Variants in MAGI1 observed in about 807,000 individuals in gnomAD.
The protein encoded by MAGI1 is membrane-associated guanylate kinase, WW and PDZ domain-containing protein 1.
MAGI1 carries 58 observed loss-of-function variants against 139.9 expected under a neutral mutation model. That is an observed-to-expected ratio of 0.41 (90% CI 0.34 to 0.52). The LOEUF (loss-of-function observed/expected upper bound fraction) is 0.52, where lower values mean the gene tolerates loss of function less well. Among genes scored for constraint, MAGI1 ranks in the 20% least tolerant of loss-of-function variants. MAGI1 has a pLI of 0.12. For missense variants in MAGI1, 1,874 were observed against 1,901.6 expected, an observed-to-expected ratio of 0.99 and a Z score of 0.27; for synonymous variants, 812 against 737.9, an observed-to-expected ratio of 1.10 and a Z score of -1.63.
rs567207450 is a variant in MAGI1, at chr3:65,678,598, C to T, written c.314-56510G>A. On this transcript the variant is annotated intron_variant, in intron 1 of 22. Transcript: ENST00000402939. ...TAGGTAACTGGCACTTCCTCAAGTC[C>T]ATGCCACACTCCTGGAAGCATACTC... 5.9e-5 allele frequency among the ~76,000 whole-genome samples: 9 copies of T among 152,214 alleles called. No individual in the cohort carries two copies. The East Asian group carries it at 1.7e-3, about 29-fold the overall frequency.
chr3:65,619,371 C>A (rs1174392266), intron 2 of MAGI1, among the ~76,000 whole-genome samples: 1 of 152,102 alleles, frequency 6.6e-6, no homozygotes. Context: ...TATGGCAATG[C>A]TAAAAATAAC....
intron 2 of MAGI1, chr3:65,532,802 AT>A (rs1357087646): frequency 2.0e-5 from 3 of 152,192 alleles, no homozygotes; most frequent in African/African-American, 7.2e-5. Flanking sequence ...AGCTGCTTTA[AT>A]TTATGATCAT....
At chr3:65,629,893 G>A (rs1464744751) in intron 1 of MAGI1, among the ~76,000 whole-genome samples, 6 of 152,052 alleles carry the variant, frequency 3.9e-5, no homozygotes, top group Non-Finnish European at 8.8e-5. Flanking sequence ...TGTACTTAAT[G>A]CTACAGAACC....
chr3:65,865,238 TA>T (rs149497482), intron 1 of MAGI1, among the ~76,000 whole-genome samples: 3,528 of 152,228 alleles, frequency 0.023, 128 homozygotes, highest in African/African-American at 0.075. Context: ...TTTTACCAAA[TA>T]AATAGTCTAG....
chr3:65,791,163 T>A (rs908324266), intron 1 of MAGI1, among the ~76,000 whole-genome samples: 16 of 152,214 alleles, frequency 1.1e-4, no homozygotes, highest in African/African-American at 3.6e-4. Context: ...ACACAGCGCG[T>A]GCTGTCCATG....
chr3:65,861,465 T>C (rs893141781), intron 1 of MAGI1, among the ~76,000 whole-genome samples: 3 of 152,134 alleles, frequency 2.0e-5, no homozygotes, highest in African/African-American at 7.2e-5. Context: ...ACCCCTTATC[T>C]GCAGAAAAAG....
intron 1 of MAGI1, among the ~76,000 whole-genome samples, chr3:65,936,319 C>A (rs1260451989): frequency 4.6e-5 from 7 of 152,134 alleles, no homozygotes; most frequent in Non-Finnish European, 8.8e-5. Context: ...GCGTAACCCA[C>A]AGCAAGTCAA....
At chr3:65,613,954 C>T (rs1011383470) in intron 2 of MAGI1, among the ~76,000 whole-genome samples, 2 of 152,150 alleles carry the variant, frequency 1.3e-5, no homozygotes, top group African/African-American at 2.4e-5. Context: ...GAAGAAGGAT[C>T]AGTCTTAACA....
chr3:65,552,158 A>G (rs1367445305), intron 2 of MAGI1, among the ~76,000 whole-genome samples: 1 of 152,172 alleles, frequency 6.6e-6, no homozygotes, highest in African/African-American at 2.4e-5. Context: ...GGAGGCAGAA[A>G]GCCTGTAATT....
chr3:65,525,349 T>C lies in MAGI1; in HGVS notation c.431-31718A>G, dbSNP rs2078333834. ...GTTTTTCTTTTTCTCTCTTCTCCTTTACAGTATTTGTAGCCAAACACATTG... is the reference window on the plus strand; with the variant it reads ...GTTTTTCTTTTTCTCTCTTCTCCTTCACAGTATTTGTAGCCAAACACATTG... On this transcript the variant is annotated intron_variant, in intron 2 of 22. Coordinates refer to ENST00000402939, the MANE Select transcript of MAGI1 (RefSeq NM_001033057.2). 4.6e-5 allele frequency among the ~76,000 whole-genome samples: 7 copies of C among 152,328 alleles called. No individual in the cohort carries two copies. The South Asian group carries it at 1.2e-3, about 27-fold the overall frequency.
chr3:65,662,884 T>C (rs574919538), intron 1 of MAGI1, among the ~76,000 whole-genome samples: 2 of 152,190 alleles, frequency 1.3e-5, no homozygotes, highest in Non-Finnish European at 2.9e-5. Flanking sequence ...GTAATCACTA[T>C]TCTGCTGGTA....
chr3:65,464,862 G>T (rs1014027053), intron 5 of MAGI1, among the ~76,000 whole-genome samples: 3 of 142,448 alleles, frequency 2.1e-5, no homozygotes, highest in Non-Finnish European at 4.6e-5. Flanking sequence ...TGGCCTTTCT[G>T]TGGGTTACAT....
At chr3:65,366,038 A>G (rs781064629) in intron 18 of MAGI1, among the ~76,000 whole-genome samples, 2 of 152,148 alleles carry the variant, frequency 1.3e-5, no homozygotes, top group African/African-American at 2.4e-5. Context: ...GGTTAAAAGC[A>G]TGGGCTTGAG....
chr3:65,542,994 T>C (rs1365106035), intron 2 of MAGI1, among the ~76,000 whole-genome samples: 4 of 152,010 alleles, frequency 2.6e-5, no homozygotes, highest in African/African-American at 7.2e-5. Context: ...ATGTTTGCAA[T>C]CTATCCATCT....
intron 22 of MAGI1, chr3:65,359,200 AAG>A (rs1310138747): frequency 1.9e-6 from 3 of 1,602,920 alleles, no homozygotes; most frequent in Non-Finnish European, 2.5e-6. Context: ...GAGAAGGAGA[AAG>A]AGAGAAAGAG....
At chr3:65,760,179 C>T (rs1414146462) in intron 1 of MAGI1, among the ~76,000 whole-genome samples, 1 of 148,924 alleles carries the variant, frequency 6.7e-6, no homozygotes, top group East Asian at 1.9e-4. Flanking sequence ...CTCCTCCTCC[C>T]CGTCCTCCTT....
chr3:65,849,238 T>C (rs1265755162), intron 1 of MAGI1, among the ~76,000 whole-genome samples: 1 of 151,238 alleles, frequency 6.6e-6, no homozygotes, highest in Non-Finnish European at 1.5e-5. Context: ...TTGGCCAGGC[T>C]AGTTTTGAAC....
intron 5 of MAGI1, among the ~76,000 whole-genome samples, chr3:65,455,243 G>A (rs1294516162): frequency 1.3e-5 from 2 of 152,110 alleles, no homozygotes; most frequent in Admixed American, 6.5e-5. Flanking sequence ...GTGACAACTA[G>A]GATACTGATA....
intron 5 of MAGI1, among the ~76,000 whole-genome samples, chr3:65,466,473 C>A (rs1303274863): frequency 6.6e-6 from 1 of 152,112 alleles, no homozygotes; most frequent in East Asian, 1.9e-4. Context: ...TGGGCTCCTT[C>A]TTACCGCTGG....
Sources: allele counts gnomAD v4.1 joint callset (sites outside exome capture counted in the v4.1 genomes callset), GRCh38; gene constraint gnomAD v4.1.1; transcripts MANE v1.5; gene names NCBI Gene and HGNC (gene_info 2026-07-23, HGNC 2026-07-21).